Variants in ATXN7L2 observed in about 807,000 individuals in gnomAD.
ATXN7L2 encodes ataxin 7 like 2, also known as ataxin-7-like protein 2.
A neutral mutation model predicts 59.6 loss-of-function variants in ATXN7L2; 17 were observed. The ratio of observed to expected loss-of-function variants is 0.29; its 90% CI spans 0.20 to 0.43. The LOEUF is 0.43. Ranked by LOEUF, ATXN7L2 falls within the 20% of genes least tolerant of loss-of-function variation. The pLI, the probability that ATXN7L2 is intolerant of heterozygous loss-of-function variation, is 1.00. For missense variants in ATXN7L2, 858 were observed against 1,008.9 expected (o/e 0.85, Z 2.03); for synonymous variants, 378 against 392.5 (o/e 0.96, Z 0.44).
intron 5 of ATXN7L2, 70 bp downstream of exon 5, chr1:109,487,874 C>T (rs1656716707): frequency 6.7e-7 from 1 of 1,494,996 alleles, no homozygotes; most frequent in Admixed American, 2.4e-5. Context: ...TGTCCTTGGG[C>T]TGGATGAGGA....
chr1:109,490,096 C>G lies in ATXN7L2; in HGVS notation c.1300C>G (p.His434Asp), dbSNP rs901055605. 6.3e-7 allele frequency: 1 copy of G among 1,588,930 alleles called. No homozygotes were observed. The highest frequency in any genetic ancestry group is 8.6e-7 in the Non-Finnish European group (1 of 1,167,118). ...SDDLHPPPDC[H>D]YATRPPRPQA... ...CGACCTCCACCCACCCCCTGACTGC[C>G]ATTATGCAACCCGGCCCCCACGGCC... The change falls in exon 8 of 11, where the codon CAT becomes GAT. Residue 434 changes from histidine to aspartate, a missense_variant. Physicochemically the swap from His to Asp is moderately conservative, Grantham distance 81. Transcript: ENST00000683729.
At chr1:109,487,270 T>C in intron 4 of ATXN7L2, 53 bp downstream of exon 4, 1 of 1,433,444 alleles carries the variant, frequency 7.0e-7, no homozygotes, top group Non-Finnish European at 9.2e-7. Context: ...GACCCATGGA[T>C]GGGCTGACAT....
Position 109,488,736 on chromosome 1 carries a change from T to C in ATXN7L2, c.880-111T>C, listed in dbSNP as rs563392384. ...AGACACATGAACACAGCTGCAAATA[T>C]GCCCACCTCTCTCCCTGCCCCCCAA... On this transcript the variant is annotated intron_variant, in intron 6 of 10. Coordinates refer to ENST00000683729, the MANE Select transcript of ATXN7L2 (RefSeq NM_001350175.2). The surrounding 1 kb of genome is among the most constrained non-coding windows in gnomAD (Gnocchi z 5.0). 1.3e-3 allele frequency: 1,717 copies of C among 1,341,916 alleles called. 2 individuals carry two copies. The highest frequency in any genetic ancestry group is 1.6e-3 in the Non-Finnish European group (1,589 of 971,462). The allele number at this position is 1,341,916 out of a possible 1,614,324, so 83.1% of individuals were successfully genotyped here.
chr1:109,488,509 C>A lies in ATXN7L2; in HGVS notation c.879+44C>A, dbSNP rs1656761572. 2 of 1,543,042 alleles carry A rather than the reference C, an allele frequency of 1.3e-6. No individual in the cohort carries two copies. The highest frequency in any genetic ancestry group is 1.8e-6 in the Non-Finnish European group (2 of 1,123,908). ...CACGGTGAGGGAGGACAGCACAGGG[C>A]TTGCCCACTCCTTCCCTGGGCAAAG... On this transcript the variant is annotated intron_variant, in intron 6 of 10. Transcript: ENST00000683729. The surrounding 1 kb of genome is among the most constrained non-coding windows in gnomAD (Gnocchi z 5.0).
At chr1:109,487,293 C>G in intron 4 of ATXN7L2, 76 bp downstream of exon 4, 1 of 1,374,166 alleles carries the variant, frequency 7.3e-7, no homozygotes, top group Non-Finnish European at 9.7e-7. Context: ...ATACAGACAG[C>G]CCTGGGTCAA....
chr1:109,490,283 G>A lies in ATXN7L2; in HGVS notation c.1345G>A (p.Gly449Arg). 6.2e-7 allele frequency: 1 copy of A among 1,613,794 alleles called. No individual in the cohort carries two copies. Among genetic ancestry groups the A allele is most frequent in the Non-Finnish European group, 8.5e-7 (1 of 1,180,002 alleles). The change falls in exon 9 of 11, where the codon GGG (glycine) becomes AGG (arginine). Residue 449 changes from glycine (G) to arginine (R), a missense_variant. Gly to Arg is a moderately radical substitution (Grantham distance 125, BLOSUM62 -2). This residue lies in a region of ATXN7L2 where 734 missense variants were observed against 862.3 expected (regional missense o/e 0.85). Coordinates refer to ENST00000683729, the MANE Select transcript of ATXN7L2 (RefSeq NM_001350175.2). ...CTTCTGCCTTTAGTTCTGCACCTTT[G>A]GGAGCCGGCTGGTGAGCCCAGGATG... Reference protein sequence around the residue: ...PPRPQAFCTFGSRLVSPGCYV... With the variant: ...PPRPQAFCTFRSRLVSPGCYV...
At position 109,483,946 on chromosome 1, in the gene ATXN7L2, C is replaced by T. The variant is rs766644418; in HGVS notation, c.-8C>T. The T allele has an allele frequency of 3.2e-6, 4 of 1,235,708 alleles. No individual in the cohort carries two copies. The highest frequency in any genetic ancestry group is 4.4e-4 in the Middle Eastern group (2 of 4,566). The allele number at this position is 1,235,708 out of a possible 1,614,324, so 76.5% of individuals were successfully genotyped here. On this transcript the variant is annotated 5_prime_UTR_variant, in exon 1 of 11. Coordinates refer to ENST00000683729, the MANE Select transcript of ATXN7L2 (RefSeq NM_001350175.2). ...CGGCGCCAGGGCGGGCGCGCGTCCG[C>T]GGCGGTGATGGCGGTGCGTGAACGC...
chr1:109,488,768 CG>C lies in ATXN7L2; in HGVS notation c.880-76del. The C allele has an allele frequency of 6.6e-7, 1 of 1,509,870 alleles. No individual in the cohort carries two copies. 93.5% of individuals were successfully genotyped at this position (1,509,870 alleles called of 1,614,324 possible). A position where few individuals can be genotyped will look rare whatever the true frequency, so the allele number is the denominator to read the frequency against. ...CTCTCTCCCTGCCCCCCAACTTGCC[CG>C]GGCCAAAGCACCCTGCCGTCCCTCA... On this transcript the variant is annotated intron_variant, in intron 6 of 10. Coordinates refer to ENST00000683729, the MANE Select transcript of ATXN7L2 (RefSeq NM_001350175.2). This position sits in a 1 kb window ranked among gnomAD's most constrained non-coding sequence, Gnocchi z 5.0.
In ATXN7L2 at chr1:109,487,758, G is replaced by A. The variant is rs1478019438; in HGVS notation, c.750G>A (p.Glu250=). The part of the protein sequence containing the change: ...HWAEGSPPEK[E]PSGTRLPPKT... Reference sequence around the variant, plus strand: ...CTGAAGGCAGCCCTCCTGAAAAGGAGCCCAGTGGGACCAGGCTGCCCCCTA... The same window carrying A: ...CTGAAGGCAGCCCTCCTGAAAAGGAACCCAGTGGGACCAGGCTGCCCCCTA... The change falls in exon 5 of 11, where the codon GAG becomes GAA. Residue 250 remains glutamate (E), a synonymous_variant. Transcript: ENST00000683729. 1.9e-6 allele frequency: 3 copies of A among 1,611,758 alleles called. No individual in the cohort carries two copies. The African/African-American group carries it at 4.0e-5, about 22-fold the overall frequency.
At position 109,491,495 on chromosome 1, in the gene ATXN7L2, G is replaced by A. The variant is rs1158898474; in HGVS notation, c.2028G>A (p.Gln676=). The A allele has an allele frequency of 6.2e-7, 1 of 1,613,978 alleles. No homozygotes were observed. Among genetic ancestry groups the A allele is most frequent in the Non-Finnish European group, 8.5e-7 (1 of 1,180,040 alleles). Residue 676 remains glutamine (Q), a synonymous_variant, in exon 10 of 11, where the codon CAG becomes CAA. Coordinates refer to ENST00000683729, the MANE Select transcript of ATXN7L2 (RefSeq NM_001350175.2). This position sits in a 1 kb window ranked among gnomAD's most constrained non-coding sequence, Gnocchi z 4.1. ...HQLPTPVKAS[Q]LENRGAAGHP... ...TCCCCACACCAGTCAAGGCTTCTCA[G>A]CTGGAGAACCGGGGAGCAGCTGGAC...
At chr1:109,490,831 T>C in intron 9 of ATXN7L2, 91 bp from the exon 10 acceptor site, 4 of 1,397,868 alleles carry the variant, frequency 2.9e-6, no homozygotes, top group Non-Finnish European at 3.9e-6. Flanking sequence ...TGACCATTTC[T>C]AGGTGGGGCA....
chr1:109,488,721 A>G lies in ATXN7L2; in HGVS notation c.880-126A>G, dbSNP rs1190254588. ...GGGGGAATGAAACAAAGACACATGA[A>G]CACAGCTGCAAATATGCCCACCTCT... On this transcript the variant is annotated intron_variant, in intron 6 of 10. Coordinates refer to ENST00000683729, the MANE Select transcript of ATXN7L2 (RefSeq NM_001350175.2). The surrounding 1 kb of genome is among the most constrained non-coding windows in gnomAD (Gnocchi z 5.0). 6 of 1,278,728 alleles carry G rather than the reference A, an allele frequency of 4.7e-6. No individual in the cohort carries two copies. In the East Asian group the frequency reaches 1.2e-4, roughly 25 times the overall value. 79.2% of individuals were successfully genotyped at this position (1,278,728 alleles called of 1,614,324 possible).
In ATXN7L2 at chr1:109,492,656, C is replaced by G; in HGVS notation, c.*56C>G. 2 of 1,603,596 alleles carry G rather than the reference C, an allele frequency of 1.2e-6. No homozygotes were observed. The highest frequency in any genetic ancestry group is 1.7e-6 in the Non-Finnish European group (2 of 1,174,986). On this transcript the variant is annotated 3_prime_UTR_variant, in exon 11 of 11. Transcript: ENST00000683729. ...CGCCAGCACCTCCTCCCCTCCAGAT[C>G]CGGGCCCCAGGCTGCTGCCGCTTTT... is the stretch of plus-strand genomic sequence containing the variant.
Position 109,486,256 on chromosome 1 carries a change from G to T in ATXN7L2, c.193+134G>T. The T allele has an allele frequency of 7.3e-7, 1 of 1,369,906 alleles. No homozygotes were observed. Among genetic ancestry groups the T allele is most frequent in the East Asian group, 2.5e-5 (1 of 39,304 alleles). 84.9% of individuals were successfully genotyped at this position (1,369,906 alleles called of 1,614,324 possible). A position where few individuals can be genotyped will look rare whatever the true frequency, so the allele number is the denominator to read the frequency against. The stretch of plus-strand genomic sequence containing the variant: ...CCCTCATTTTGATAGGTCCGAGTCG[G>T]CCGGTTGTTCTGGCTCCTGTGACCT... On this transcript the variant is annotated intron_variant, in intron 2 of 10. Transcript: ENST00000683729. This position sits in a 1 kb window ranked among gnomAD's most constrained non-coding sequence, Gnocchi z 4.3.
Position 109,491,085 on chromosome 1 carries a change from A to T in ATXN7L2, c.1618A>T (p.Ser540Cys). 1 of 1,613,650 alleles carries T rather than the reference A, an allele frequency of 6.2e-7. No homozygotes were observed. Among genetic ancestry groups the T allele is most frequent in the Admixed American group, 1.7e-5 (1 of 60,010 alleles). Residue 540 changes from serine to cysteine, a missense_variant, in exon 10 of 11, where the codon AGC becomes TGC. By Grantham distance (112) the Ser-to-Cys change is moderately radical (BLOSUM62 -1). Transcript: ENST00000683729. The surrounding 1 kb of genome is among the most constrained non-coding windows in gnomAD (Gnocchi z 4.1). ...MPPTKDNLVP[S>C]YPAGSPSVAA... ...CCCCACCAAGGACAACCTTGTCCCC[A>T]GCTACCCTGCAGGCTCCCCCAGCGT...
intron 1 of ATXN7L2, chr1:109,485,399 C>G (rs1656508271): frequency 3.0e-6 from 3 of 985,290 alleles, no homozygotes; most frequent in Non-Finnish European, 3.6e-6. Flanking sequence ...GCATAGCTGA[C>G]CAAGGAGACT....
intron 7 of ATXN7L2, 173 bp from the exon 8 acceptor site, chr1:109,489,757 C>T (rs1447520410): frequency 1.4e-6 from 1 of 690,018 alleles, no homozygotes; most frequent in Non-Finnish European, 2.5e-6. Context: ...CTGTCTCTTA[C>T]TCTGTGAGCT....
Position 109,491,013 on chromosome 1 carries a change from C to T in ATXN7L2, c.1546C>T (p.Arg516Cys), listed in dbSNP as rs976508638. Reference sequence around the variant, plus strand: ...CCCATCCTCTACAGGCACCTGCCCCCGCCTTCCAGGTCCAACCCTGAGACC... The same window carrying T: ...CCCATCCTCTACAGGCACCTGCCCCTGCCTTCCAGGTCCAACCCTGAGACC... ...LSPSSTGTCP[R>C]LPGPTLRPAC... The change falls in exon 10 of 11, where the codon CGC becomes TGC. Residue 516 changes from arginine to cysteine, a missense_variant. Coordinates refer to ENST00000683729, the MANE Select transcript of ATXN7L2 (RefSeq NM_001350175.2). This position sits in a 1 kb window ranked among gnomAD's most constrained non-coding sequence, Gnocchi z 4.1. 6.8e-6 allele frequency: 11 copies of T among 1,613,524 alleles called. No homozygotes were observed. The highest frequency in any genetic ancestry group is 1.6e-4 in the Middle Eastern group (1 of 6,084).
intron 7 of ATXN7L2, 126 bp from the exon 8 acceptor site, chr1:109,489,802 CCT>C: frequency 1.1e-6 from 1 of 915,800 alleles, no homozygotes; most frequent in Non-Finnish European, 1.7e-6. Context: ...TTCCCTCTGT[CCT>C]CTTCTGATTG....
Sources: gnomAD v4.1 joint callset for allele counts on GRCh38, gnomAD v4.1.1 for gene constraint, gnomAD v4.1.1 regional missense constraint, Gnocchi (gnomAD v3.1) non-coding constraint, MANE v1.5 for transcripts, NCBI Gene and HGNC (gene_info 2026-07-23, HGNC 2026-07-21) for gene names.